Variants in ANKRD66 observed in about 807,000 individuals in gnomAD.
ANKRD66 encodes ankyrin repeat domain-containing protein 66.
A neutral mutation model predicts 10.9 loss-of-function variants in ANKRD66; 10 were observed. The ratio of observed to expected loss-of-function variants is 0.91; its 90% CI spans 0.56 to 1.55. The LOEUF is 1.55. ANKRD66 is among the 40% of genes most tolerant of loss of function. The pLI, the probability that ANKRD66 is intolerant of heterozygous loss-of-function variation, is 0.00. For synonymous variants in ANKRD66, 85 were observed against 88.4 expected (o/e 0.96, Z 0.22); for missense variants, 252 against 242.9 (o/e 1.04, Z -0.25).
intron 3 of ANKRD66, among the ~76,000 whole-genome samples, chr6:46,752,970 C>T (rs1362934): frequency 6.6e-6 from 1 of 152,144 alleles, no homozygotes; most frequent in Non-Finnish European, 1.5e-5. Flanking sequence ...TATTGTGATT[C>T]TTGTGTGGAG....
chr6:46,749,405 G>C (rs781640324), intron 1 of ANKRD66, among the ~76,000 whole-genome samples: 1 of 152,108 alleles, frequency 6.6e-6, no homozygotes, highest in Non-Finnish European at 1.5e-5. Context: ...GTCCTCGTTC[G>C]CCTAAGAATA....
chr6:46,747,081 AC>A, intron 1 of ANKRD66, 91 bp downstream of exon 1: 1 of 1,314,118 alleles, frequency 7.6e-7, no homozygotes. Flanking sequence ...ACTACTTTGC[AC>A]TTGATTTCCT....
chr6:46,757,031 GA>G (rs1766399509), intron 4 of ANKRD66: 1 of 152,274 alleles, frequency 6.6e-6, no homozygotes, highest in African/African-American at 2.4e-5. Flanking sequence ...TGAAATGCAG[GA>G]GGGGTGCTTG....
At chr6:46,753,983 G>C in intron 4 of ANKRD66, 33 bp downstream of exon 4, 1 of 1,522,346 alleles carries the variant, frequency 6.6e-7, no homozygotes, top group Non-Finnish European at 8.9e-7. Flanking sequence ...TATAGAAGGA[G>C]CAGAGGAACA....
intron 4 of ANKRD66, among the ~76,000 whole-genome samples, chr6:46,755,542 AGT>A (rs1243731186): frequency 6.6e-6 from 1 of 152,172 alleles, no homozygotes; most frequent in Non-Finnish European, 1.5e-5. Flanking sequence ...TCCTTTGTAA[AGT>A]GTTATCCCTC....
chr6:46,758,159 T>C (rs1485794419), intron 4 of ANKRD66: 8 of 152,272 alleles, frequency 5.3e-5, no homozygotes, highest in South Asian at 4.1e-4. Flanking sequence ...ATACTCACCA[T>C]TGGCCTCATA....
At chr6:46,753,657 T>G in intron 3 of ANKRD66, 65 bp from the exon 4 acceptor site, 1 of 1,447,752 alleles carries the variant, frequency 6.9e-7, no homozygotes, top group Non-Finnish European at 9.2e-7. Flanking sequence ...AGACTGGCCC[T>G]GGCCTCAAGC....
intron 4 of ANKRD66, chr6:46,758,062 C>T (rs532323390): frequency 1.3e-5 from 2 of 152,294 alleles, no homozygotes; most frequent in African/African-American, 4.8e-5. Context: ...TATTTGCCTT[C>T]CCTATACCAT....
chr6:46,758,585 A>T, intron 4 of ANKRD66, 138 bp from the exon 5 acceptor site: 1 of 757,990 alleles, frequency 1.3e-6, no homozygotes, highest in Non-Finnish European at 2.0e-6. Flanking sequence ...CCCTAAGTGT[A>T]TGCTTGGAAA....
At position 46,753,932 on chromosome 6, in the gene ANKRD66, G is replaced by A; in HGVS notation, c.374G>A (p.Cys125Tyr). 6.4e-7 allele frequency: 1 copy of A among 1,551,220 alleles called. No individual in the cohort carries two copies. Among genetic ancestry groups the A allele is most frequent in the South Asian group, 1.2e-5 (1 of 83,938 alleles). The change falls in exon 4 of 5, where the codon TGT (cysteine) becomes TAT (tyrosine). Residue 125 changes from cysteine (C) to tyrosine (Y), a missense_variant. Transcript: ENST00000565422. Reference sequence around the variant, plus strand: ...GCACAGATCTATGGACAGAAAGCCTGTGTGGCATTTCTGGAAAAGTAAGTT... The same window carrying A: ...GCACAGATCTATGGACAGAAAGCCTATGTGGCATTTCTGGAAAAGTAAGTT... ...RIAQIYGQKA[C>Y]VAFLEKAEPE...
chr6:46,755,608 C>T (rs1315044535), intron 4 of ANKRD66, among the ~76,000 whole-genome samples: 5 of 152,114 alleles, frequency 3.3e-5, no homozygotes, highest in South Asian at 2.1e-4. Context: ...ATTCATTATT[C>T]GTGTGTTCTT....
In ANKRD66 at chr6:46,749,793, C is replaced by G. The variant is rs542393993; in HGVS notation, c.-96-103C>G. On this transcript the variant is annotated intron_variant, in intron 1 of 4. Transcript: ENST00000565422. ...CAGCTTAGGCCACTTTTAGAGAAAG[C>G]TCTTTTACTTTCCGGTCTTTGTGAA... The G allele has an allele frequency of 2.8e-4, 391 of 1,373,728 alleles. 1 individual carries two copies. In the South Asian group the frequency reaches 4.9e-3, roughly 17 times the overall value. The allele number at this position is 1,373,728 out of a possible 1,614,324, so 85.1% of individuals were successfully genotyped here. A position where few individuals can be genotyped will look rare whatever the true frequency, so the allele number is the denominator to read the frequency against.
chr6:46,753,906 T>C lies in ANKRD66; in HGVS notation c.348T>C (p.Ile116=), dbSNP rs1188331266. 1 of 1,551,672 alleles carries C rather than the reference T, an allele frequency of 6.4e-7. No individual in the cohort carries two copies. The highest frequency in any genetic ancestry group is 8.7e-7 in the Non-Finnish European group (1 of 1,146,990). ...TCTTTGGAGACACACCGAAGAGGAT[T>C]GCACAGATCTATGGACAGAAAGCCT... ...PDFFGDTPKR[I]AQIYGQKACV... Residue 116 remains isoleucine (I), a synonymous_variant, in exon 4 of 5, where the codon ATT becomes ATC. Coordinates refer to ENST00000565422, the MANE Select transcript of ANKRD66 (RefSeq NM_001162435.3).
intron 4 of ANKRD66, chr6:46,756,461 AT>A (rs1766386225): frequency 6.2e-6 from 1 of 161,340 alleles, no homozygotes; most frequent in Non-Finnish European, 1.3e-5. Context: ...ACGTTATTTC[AT>A]TTGCTTGAAT....
chr6:46,755,776 T>G (rs1766370942), intron 4 of ANKRD66, among the ~76,000 whole-genome samples: 1 of 152,208 alleles, frequency 6.6e-6, no homozygotes. Context: ...CCTACACTTC[T>G]AAGCAACTTG....
chr6:46,758,815 G>C lies in ANKRD66; in HGVS notation c.485G>C (p.Arg162Thr), dbSNP rs1292623616. 3.2e-6 allele frequency: 5 copies of C among 1,551,542 alleles called. No individual in the cohort carries two copies. In the South Asian group the frequency reaches 5.9e-5, roughly 18 times the overall value. The change falls in exon 5 of 5, where the codon AGG (arginine) becomes ACG (threonine). Residue 162 changes from arginine to threonine, a missense_variant. Transcript: ENST00000565422. ...ERDEDWDAKK[R>T]ELELSLPSLN... is the part of the protein sequence containing the mutation. ...GATGAAGACTGGGATGCCAAGAAAA[G>C]GGAGCTGGAGCTGTCTCTTCCTTCC...
chr6:46,749,953 G>A lies in ANKRD66; in HGVS notation c.-39G>A, dbSNP rs756240675. 47 of 1,519,686 alleles carry A rather than the reference G, an allele frequency of 3.1e-5. No homozygotes were observed. The highest frequency in any genetic ancestry group is 5.5e-5 in the African/African-American group (4 of 72,266). The allele number at this position is 1,519,686 out of a possible 1,614,324, so 94.1% of individuals were successfully genotyped here. On this transcript the variant is annotated 5_prime_UTR_variant, in exon 2 of 5. Coordinates refer to ENST00000565422, the MANE Select transcript of ANKRD66 (RefSeq NM_001162435.3). Reference sequence around the variant, plus strand: ...AGGGCTTACCACAACAAAGATGGCCGGACCCCTGCCCAGAGTTTCAGATTC... The same window carrying A: ...AGGGCTTACCACAACAAAGATGGCCAGACCCCTGCCCAGAGTTTCAGATTC...
chr6:46,753,123 T>C (rs1766304022), intron 3 of ANKRD66, among the ~76,000 whole-genome samples: 2 of 152,194 alleles, frequency 1.3e-5, no homozygotes, highest in South Asian at 4.1e-4. Flanking sequence ...GCTGTGTACT[T>C]CATGTCTGTG....
intron 3 of ANKRD66, among the ~76,000 whole-genome samples, chr6:46,752,743 T>C (rs1766297308): frequency 6.6e-6 from 1 of 152,180 alleles, no homozygotes; most frequent in Admixed American, 6.5e-5. Context: ...CTTTGCCCTC[T>C]CAACCTCTAA....
Sources: gnomAD v4.1 joint callset for allele counts (sites outside exome capture counted in the v4.1 genomes callset) on GRCh38, gnomAD v4.1.1 for gene constraint, MANE v1.5 for transcripts, NCBI Gene and HGNC (gene_info 2026-07-23, HGNC 2026-07-21) for gene names.